ZNF362: variants seen among roughly 807,000 people sequenced by gnomAD.
ZNF362 encodes rotund homolog.
A neutral mutation model predicts 42.9 loss-of-function variants in ZNF362; 11 were observed. The observed-to-expected ratio is 0.26, with a 90% CI of 0.16 to 0.42. The LOEUF (loss-of-function observed/expected upper bound fraction) is 0.42. Among genes scored for constraint, ZNF362 ranks in the 20% least tolerant of loss-of-function variants. The probability of loss-of-function intolerance (pLI) is 1.00; values close to 1 mark genes in which losing one functional copy is unlikely to be tolerated. For missense variants in ZNF362, 362 were observed against 576.2 expected, an observed-to-expected ratio of 0.63 and a Z score of 3.81; for synonymous variants, 255 against 257.3, an observed-to-expected ratio of 0.99 and a Z score of 0.09.
the ZNF362 span, among the ~76,000 whole-genome samples, chr1:33,205,915 C>T: frequency 7.3e-6 from 1 of 137,586 alleles, no homozygotes; most frequent in Non-Finnish European, 1.6e-5. Flanking sequence ...GACTCTGTCT[C>T]AAAAAAAAAA....
chr1:33,133,057 G>A, the ZNF362 span, among the ~76,000 whole-genome samples: 6 of 152,222 alleles, frequency 3.9e-5, no homozygotes, highest in African/African-American at 1.2e-4. Flanking sequence ...GGTTCCCTGC[G>A]GAGGCCCCAT....
the ZNF362 span, among the ~76,000 whole-genome samples, chr1:33,144,536 C>T: frequency 3.0e-4 from 45 of 152,216 alleles, no homozygotes; most frequent in Admixed American, 2.4e-3. Flanking sequence ...GTCCTGGGCC[C>T]GACTGATAGA....
chr1:33,249,186 T>C, the ZNF362 span, among the ~76,000 whole-genome samples: 2 of 152,140 alleles, frequency 1.3e-5, no homozygotes, highest in Admixed American at 1.3e-4. Context: ...GAGGAGGAGC[T>C]TGCTAGGTGA....
At chr1:33,276,259 G>A (rs893807990) in intron 3 of ZNF362, 89 bp from the exon 4 acceptor site, 2 of 1,580,212 alleles carry the variant, frequency 1.3e-6, no homozygotes, top group Admixed American at 3.5e-5. Flanking sequence ...GCGGGGTGAG[G>A]AGCGAGGGGC....
At chr1:33,258,043 G>A (rs1645805696) in intron 1 of ZNF362, among the ~76,000 whole-genome samples, 1 of 152,204 alleles carries the variant, frequency 6.6e-6, no homozygotes, top group African/African-American at 2.4e-5. Context: ...CTGCGGCCCA[G>A]TGGGTCCCGT....
At chr1:33,256,361 G>C (rs1405001759), upstream of ZNF362, among the ~76,000 whole-genome samples, 1 of 144,476 alleles carries the variant, frequency 6.9e-6, no homozygotes, top group African/African-American at 2.5e-5. Flanking sequence ...GGAGAGGCGG[G>C]GGCCCGACGC....
chr1:33,221,195 C>T, the ZNF362 span, among the ~76,000 whole-genome samples: 146,754 of 152,264 alleles, frequency 0.96, 70,923 homozygotes, highest in Non-Finnish European at 1. Context: ...TTCTGGAATC[C>T]TATCAATCCC....
chr1:33,256,169 C>G (rs1645787633), upstream of ZNF362, among the ~76,000 whole-genome samples: 2 of 147,540 alleles, frequency 1.4e-5, no homozygotes, highest in African/African-American at 4.9e-5. Context: ...CTTTGCCAGG[C>G]GGTGGCGGCG....
chr1:33,191,850 G>GAT, the ZNF362 span, among the ~76,000 whole-genome samples: 2 of 152,198 alleles, frequency 1.3e-5, no homozygotes, highest in Non-Finnish European at 2.9e-5. Context: ...TGAGTGATGA[G>GAT]ATTTAACCCT....
the ZNF362 span, among the ~76,000 whole-genome samples, chr1:33,170,517 T>A: frequency 6.6e-6 from 1 of 151,756 alleles, no homozygotes; most frequent in South Asian, 2.1e-4. Context: ...CCTCGCTGAG[T>A]CTTCAGGATG....
the ZNF362 span, among the ~76,000 whole-genome samples, chr1:33,238,218 C>G: frequency 6.6e-6 from 1 of 151,890 alleles, no homozygotes; most frequent in South Asian, 2.1e-4. Flanking sequence ...ACTCAGGAGG[C>G]TGAGGCAGGA....
chr1:33,253,365 G>C (rs1484808810), upstream of ZNF362, among the ~76,000 whole-genome samples: 3 of 150,956 alleles, frequency 2.0e-5, 1 homozygote, highest in African/African-American at 7.3e-5. Flanking sequence ...GTTCTGGAAG[G>C]CTTTTAAGAA....
the ZNF362 span, among the ~76,000 whole-genome samples, chr1:33,177,203 T>G: frequency 6.6e-6 from 1 of 152,200 alleles, no homozygotes; most frequent in East Asian, 1.9e-4. This position sits in a 1 kb window ranked among gnomAD's most constrained non-coding sequence, Gnocchi z 4.1. Flanking sequence ...CCATGTTTCA[T>G]GGGGTATTAT....
At chr1:33,203,650 G>T in the ZNF362 span, among the ~76,000 whole-genome samples, 1 of 151,986 alleles carries the variant, frequency 6.6e-6, no homozygotes, top group Non-Finnish European at 1.5e-5. Flanking sequence ...TCATCTTTTT[G>T]ATAATAACCA....
At chr1:33,150,169 G>A in the ZNF362 span, among the ~76,000 whole-genome samples, 1 of 152,248 alleles carries the variant, frequency 6.6e-6, no homozygotes, top group Non-Finnish European at 1.5e-5. Flanking sequence ...GCAACAGCAA[G>A]ACAGAGATGA....
the ZNF362 span, among the ~76,000 whole-genome samples, chr1:33,241,467 G>A: frequency 1.3e-5 from 2 of 148,656 alleles, no homozygotes; most frequent in African/African-American, 2.5e-5. Flanking sequence ...TTTAACTCCA[G>A]CCTGGGCCAA....
At chr1:33,295,356 C>T in intron 8 of ZNF362, 51 bp downstream of exon 8, 1 of 1,590,306 alleles carries the variant, frequency 6.3e-7, no homozygotes, top group Non-Finnish European at 8.6e-7. Flanking sequence ...CTTCGTCTTC[C>T]AGGCCTCAGT....
At chr1:33,271,306 C>T (rs999119962) in intron 2 of ZNF362, among the ~76,000 whole-genome samples, 1 of 152,222 alleles carries the variant, frequency 6.6e-6, no homozygotes, top group Non-Finnish European at 1.5e-5. Context: ...GGGGCCTTTG[C>T]TCAAGCTGTT....
the ZNF362 span, among the ~76,000 whole-genome samples, chr1:33,205,017 A>C: frequency 6.6e-6 from 1 of 152,308 alleles, no homozygotes; most frequent in South Asian, 2.1e-4. Flanking sequence ...TAAAGACTCA[A>C]ATAAATGGGA....
Sources: gnomAD v4.1 joint callset for allele counts (sites outside exome capture counted in the v4.1 genomes callset) on GRCh38, gnomAD v4.1.1 for gene constraint, Gnocchi (gnomAD v3.1) non-coding constraint, MANE v1.5 for transcripts, NCBI Gene and HGNC (gene_info 2026-07-23, HGNC 2026-07-21) for gene names.